Variants in FBXO27 observed in about 807,000 individuals in gnomAD.
FBXO27 encodes the protein F-box protein 27.
Under a neutral mutation model 28.3 loss-of-function variants are expected in FBXO27, and 28 were observed. That is an observed-to-expected ratio of 0.99 (90% CI 0.73 to 1.36). FBXO27 has a LOEUF of 1.36. Ranked by LOEUF, FBXO27 falls within the 40% of genes most tolerant of loss-of-function variation. FBXO27 has a pLI of 0.00. For synonymous variants in FBXO27, 175 were observed against 167.3 expected (o/e 1.05, Z -0.36); for missense variants, 388 against 394.1 (o/e 0.98, Z 0.13).
chr19:39,023,167 C>G (rs905966623), downstream of FBXO27, among the ~76,000 whole-genome samples: 5 of 152,220 alleles, frequency 3.3e-5, no homozygotes, highest in Admixed American at 1.3e-4. Context: ...TCGAACTGAC[C>G]TCAAGTGATC....
In FBXO27 at chr19:39,031,958, C is replaced by A; in HGVS notation, c.270G>T (p.Gln90His). Residue 90 changes from glutamine to histidine, a missense_variant, in exon 2 of 6, where the codon CAG becomes CAT. Transcript: ENST00000292853. ...AAGGCCTGGCGTTACGGGCGGGAGA[C>A]TGGCAGCTGCGGGCGAGGTGCAGCA... is the stretch of plus-strand genomic sequence containing the variant. ...RALLHLARSC[Q>H]SPARNARPCP... 1 of 1,518,734 alleles carries A rather than the reference C, an allele frequency of 6.6e-7. No individual in the cohort carries two copies. Among genetic ancestry groups the A allele is most frequent in the Non-Finnish European group, 8.7e-7 (1 of 1,144,846 alleles). 94.1% of individuals were successfully genotyped at this position (1,518,734 alleles called of 1,614,324 possible).
In FBXO27 at chr19:39,032,194, G is replaced by A. The variant is rs1028876470; in HGVS notation, c.34C>T (p.Arg12Trp). ...GGTTCCGGCTCCGGCGCGGGGACCC[G>A]GGCGGCCCGGCCCCTGGAGACCGAG... ...GASVSRGRAARVPAPEPEPEE... is the reference protein window; with the variant it reads ...GASVSRGRAAWVPAPEPEPEE... Residue 12 changes from arginine (R) to tryptophan (W), a missense_variant, in exon 2 of 6, where the codon CGG becomes TGG. Physicochemically the swap from Arg to Trp is moderately radical, Grantham distance 101. Coordinates refer to ENST00000292853, the MANE Select transcript of FBXO27 (RefSeq NM_178820.5). The surrounding 1 kb of genome is among the most constrained non-coding windows in gnomAD (Gnocchi z 4.7). 3.4e-6 allele frequency: 5 copies of A among 1,481,870 alleles called. No individual in the cohort carries two copies. Among genetic ancestry groups the A allele is most frequent in the Admixed American group, 2.4e-5 (1 of 41,854 alleles). 91.8% of individuals were successfully genotyped at this position (1,481,870 alleles called of 1,614,324 possible). A position where few individuals can be genotyped will look rare whatever the true frequency, so the allele number is the denominator to read the frequency against.
rs1488939822 is a variant in FBXO27, at chr19:39,025,425, C to T, written c.838G>A (p.Val280Ile). 4 of 1,613,686 alleles carry T rather than the reference C, an allele frequency of 2.5e-6. No individual in the cohort carries two copies. Among genetic ancestry groups the T allele is most frequent in the Non-Finnish European group, 2.5e-6 (3 of 1,179,830 alleles). ...GTAGTGCTGGACTAGGACAGACGGA[C>T]TCGCACGATCACACTGGAGTTGGTC... ...RVTNSSVIVR[V>I]RLS Residue 280 changes from valine to isoleucine, a missense_variant, in exon 6 of 6, where the codon GTC becomes ATC. Physicochemically the swap from Val to Ile is conservative, Grantham distance 29. Coordinates refer to ENST00000292853, the MANE Select transcript of FBXO27 (RefSeq NM_178820.5).
At chr19:39,030,839 C>T in intron 4 of FBXO27, 190 bp downstream of exon 4, 1 of 629,040 alleles carries the variant, frequency 1.6e-6, no homozygotes, top group South Asian at 1.8e-5. Flanking sequence ...AACTCCTGAC[C>T]TCAAGTGATC....
intron 2 of FBXO27, among the ~76,000 whole-genome samples, chr19:39,031,560 C>T (rs1490166874): frequency 6.6e-6 from 1 of 151,196 alleles, no homozygotes; most frequent in Non-Finnish European, 1.5e-5. Context: ...GCTCCCAGAA[C>T]TGCCCCACTC....
At chr19:39,017,081 C>A (rs1347543741) in intron 1 of FBXO27, among the ~76,000 whole-genome samples, 1 of 151,940 alleles carries the variant, frequency 6.6e-6, no homozygotes. Context: ...TGAGATCCTG[C>A]CTCAACAAAT....
intron 1 of FBXO27, among the ~76,000 whole-genome samples, chr19:39,017,189 A>G (rs2072824299): frequency 2.0e-5 from 3 of 152,206 alleles, no homozygotes; most frequent in Admixed American, 1.3e-4. Flanking sequence ...AGGCTCCAGT[A>G]AGCCAAAATC....
intron 4 of FBXO27, among the ~76,000 whole-genome samples, chr19:39,028,062 GAA>G (rs2144901320): frequency 6.6e-6 from 1 of 151,520 alleles, no homozygotes; most frequent in African/African-American, 2.4e-5. Context: ...CCAACATGGT[GAA>G]ACCTTGTCTC....
chr19:39,022,964 A>AT (rs998919143), downstream of FBXO27, among the ~76,000 whole-genome samples: 369 of 145,414 alleles, frequency 2.5e-3, 2 homozygotes, highest in African/African-American at 6.7e-3. Context: ...TGCCTGGCTA[A>AT]TTTTTTTTTT....
At chr19:39,016,917 G>C (rs1368769118) in intron 1 of FBXO27, among the ~76,000 whole-genome samples, 1 of 146,892 alleles carries the variant, frequency 6.8e-6, no homozygotes, top group Non-Finnish European at 1.5e-5. Context: ...ACTAGAAAGT[G>C]TTTTTTAAAA....
At chr19:39,008,248 G>A (rs2072778824) in intron 2 of FBXO27, among the ~76,000 whole-genome samples, 1 of 149,260 alleles carries the variant, frequency 6.7e-6, no homozygotes, top group African/African-American at 2.5e-5. Context: ...CTGGGCAACA[G>A]AGTGAGACTC....
At chr19:39,027,588 C>T (rs1600228029) in intron 4 of FBXO27, among the ~76,000 whole-genome samples, 1 of 152,234 alleles carries the variant, frequency 6.6e-6, no homozygotes, top group Non-Finnish European at 1.5e-5. Flanking sequence ...TATCTTTTCC[C>T]TGTAATAAAC....
chr19:39,016,592 G>GGA (rs2072821055), intron 1 of FBXO27, among the ~76,000 whole-genome samples: 2 of 112,334 alleles, frequency 1.8e-5, no homozygotes. Context: ...TCTCTAATTT[G>GGA]AAAAAAAAAA....
chr19:39,011,241 G>A (rs2072792499), intron 2 of FBXO27, among the ~76,000 whole-genome samples: 1 of 152,148 alleles, frequency 6.6e-6, no homozygotes, highest in Non-Finnish European at 1.5e-5. Flanking sequence ...GACCACCCTG[G>A]GCAACATGGT....
chr19:39,031,430 T>C, intron 2 of FBXO27, 110 bp from the exon 3 acceptor site: 1 of 943,546 alleles, frequency 1.1e-6, no homozygotes, highest in East Asian at 2.6e-5. Context: ...CTCACTCACC[T>C]GACCCTTCCC....
At chr19:39,016,378 G>A (rs192209292) in intron 1 of FBXO27, among the ~76,000 whole-genome samples, 2 of 151,928 alleles carry the variant, frequency 1.3e-5, no homozygotes, top group African/African-American at 4.8e-5. Flanking sequence ...GTGTGTGTGC[G>A]TGAGGGGCTG....
rs1041434110 is a variant in FBXO27 at position 39,031,240 on chromosome 19, G to C, written c.445C>G (p.Pro149Ala). 1.2e-6 allele frequency: 2 copies of C among 1,614,032 alleles called. No homozygotes were observed. The highest frequency in any genetic ancestry group is 1.7e-6 in the Non-Finnish European group (2 of 1,180,036). The change falls in exon 3 of 6, where the codon CCT becomes GCT. Residue 149 changes from proline to alanine, a missense_variant. Transcript: ENST00000292853. ...GAAGTCACGAAGCACGTCTGAGAAG[G>C]GGCCCCAGGCACGGTTGTCCTGTTT... ...EENRTTVPGA[P>A]SQTCFVTSFS...
chr19:39,015,037 TG>T (rs908194739), intron 1 of FBXO27, among the ~76,000 whole-genome samples: 1 of 141,392 alleles, frequency 7.1e-6, no homozygotes, highest in Non-Finnish European at 1.5e-5. Context: ...AAAAAAAGGT[TG>T]GGGGCAGTGG....
At chr19:39,015,268 A>ATGGTC (rs2072814259) in intron 1 of FBXO27, among the ~76,000 whole-genome samples, 1 of 142,162 alleles carries the variant, frequency 7.0e-6, no homozygotes, top group African/African-American at 2.7e-5. Flanking sequence ...GCAGTGAGCC[A>ATGGTC]TGATCACACC....
Sources: allele counts gnomAD v4.1 joint callset (sites outside exome capture counted in the v4.1 genomes callset), GRCh38; gene constraint gnomAD v4.1.1; non-coding constraint Gnocchi (gnomAD v3.1); transcripts MANE v1.5; gene names NCBI Gene and HGNC (gene_info 2026-07-23, HGNC 2026-07-21).